Variants in ABI1 observed in about 807,000 individuals in gnomAD.
ABI1 encodes abl interactor 1, also known as Abelson interactor 1.
ABI1 carries 14 observed loss-of-function variants against 54.6 expected under a neutral mutation model. The ratio of observed to expected loss-of-function variants is 0.26; its 90% CI spans 0.17 to 0.40. The LOEUF (loss-of-function observed/expected upper bound fraction) is 0.40, where lower values mean the gene tolerates loss of function less well. Among genes scored for constraint, ABI1 ranks in the 10% least tolerant of loss-of-function variants. The probability of loss-of-function intolerance (pLI) is 1.00; values close to 1 mark genes in which losing one functional copy is unlikely to be tolerated. For missense variants in ABI1, 443 were observed against 598.3 expected (o/e 0.74, Z 2.71); for synonymous variants, 194 against 209.3 (o/e 0.93, Z 0.63).
In ABI1 at chr10:26,832,354, G is replaced by A. The variant is rs1215816515; in HGVS notation, c.118-9049C>T. Among the ~76,000 whole-genome samples, 8 of 152,054 alleles carry A rather than the reference G, an allele frequency of 5.3e-5. 1 individual carries two copies. In the South Asian group the frequency reaches 8.3e-4, roughly 16 times the overall value. On this transcript the variant is annotated intron_variant, in intron 1 of 10. Transcript: ENST00000376140. ...TCCCAGCACTTTGGGAGGCCAAGGC[G>A]GGCGGATCACGAGGTCAGGAGATCA...
intron 1 of ABI1, among the ~76,000 whole-genome samples, chr10:26,859,884 C>T (rs2051152517): frequency 6.6e-6 from 1 of 151,996 alleles, no homozygotes; most frequent in Admixed American, 6.6e-5. Context: ...GAGGGTAAGC[C>T]GTTTTTCCAA....
chr10:26,800,800 A>G (rs1336559207), intron 2 of ABI1, among the ~76,000 whole-genome samples: 1 of 152,036 alleles, frequency 6.6e-6, no homozygotes, highest in Non-Finnish European at 1.5e-5. Context: ...GGAGGTCGGG[A>G]GTTCGAGACC....
chr10:26,798,298 T>C (rs961230165), intron 2 of ABI1, among the ~76,000 whole-genome samples: 7 of 151,060 alleles, frequency 4.6e-5, no homozygotes, highest in African/African-American at 1.7e-4. Flanking sequence ...GACGGGGTGC[T>C]ATCCAGTATT....
intron 2 of ABI1, among the ~76,000 whole-genome samples, chr10:26,822,786 G>A (rs2048065347): frequency 6.6e-6 from 1 of 152,124 alleles, no homozygotes; most frequent in African/African-American, 2.4e-5. Context: ...GGTCACATGG[G>A]TATACATGTG....
At chr10:26,839,964 G>C (rs147893891) in intron 1 of ABI1, among the ~76,000 whole-genome samples, 382 of 151,934 alleles carry the variant, frequency 2.5e-3, no homozygotes, top group African/African-American at 8.5e-3. Context: ...CACTCCAGCC[G>C]GGGTGACATA....
At chr10:26,856,433 C>CAAAAAAAAA (rs58195958) in intron 1 of ABI1, among the ~76,000 whole-genome samples, 1 of 57,780 alleles carries the variant, frequency 1.7e-5, no homozygotes, top group Non-Finnish European at 3.4e-5. Flanking sequence ...ATCTGTTACT[C>CAAAAAAAAA]AAAAAAAAAA....
At chr10:26,791,433 A>C (rs1843449892) in intron 2 of ABI1, among the ~76,000 whole-genome samples, 1 of 152,190 alleles carries the variant, frequency 6.6e-6, no homozygotes, top group East Asian at 1.9e-4. Flanking sequence ...TCCCCCTTCT[A>C]TCCCATGTTA....
intron 1 of ABI1, among the ~76,000 whole-genome samples, chr10:26,854,297 G>C (rs10829119): frequency 0.26 from 39,047 of 151,914 alleles, 5,713 homozygotes; most frequent in South Asian, 0.44. Flanking sequence ...AAAGAAAAAA[G>C]AGAAGACATT....
chr10:26,855,481 T>C (rs1452311468), intron 1 of ABI1, among the ~76,000 whole-genome samples: 1 of 152,372 alleles, frequency 6.6e-6, no homozygotes, highest in East Asian at 1.9e-4. Context: ...ACTTAACTTT[T>C]ATGAGTCCTA....
At chr10:26,854,571 T>C (rs2050666493) in intron 1 of ABI1, among the ~76,000 whole-genome samples, 1 of 152,204 alleles carries the variant, frequency 6.6e-6, no homozygotes, top group Non-Finnish European at 1.5e-5. Flanking sequence ...TGACATGGTA[T>C]GGGTCGATTT....
At chr10:26,783,216 T>C (rs1313588012) in intron 2 of ABI1, among the ~76,000 whole-genome samples, 1 of 152,140 alleles carries the variant, frequency 6.6e-6, no homozygotes, top group Non-Finnish European at 1.5e-5. Flanking sequence ...AAGACAAATA[T>C]TGTATGATTC....
intron 6 of ABI1, among the ~76,000 whole-genome samples, chr10:26,765,659 A>T (rs145738847): frequency 9.4e-4 from 105 of 111,676 alleles, no homozygotes; most frequent in African/African-American, 3.4e-3. Context: ...AAGGGAAAGG[A>T]GAGAGGGAGG....
At chr10:26,855,217 T>G (rs1301756986) in intron 1 of ABI1, among the ~76,000 whole-genome samples, 1 of 152,238 alleles carries the variant, frequency 6.6e-6, no homozygotes, top group Non-Finnish European at 1.5e-5. Context: ...TTTGGTGATA[T>G]AGGCAAGTCC....
At chr10:26,774,148 T>A (rs117741982) in intron 3 of ABI1, among the ~76,000 whole-genome samples, 9,312 of 152,276 alleles carry the variant, frequency 0.061, 427 homozygotes, top group East Asian at 0.19. Flanking sequence ...TTACATCATC[T>A]CTCAATTACT....
rs1011133474 is a variant in ABI1 at position 26,746,883 on chromosome 10, T to C, written c.*1687A>G. On this transcript the variant is annotated 3_prime_UTR_variant, in exon 11 of 11. Coordinates refer to ENST00000376140, the MANE Select transcript of ABI1 (RefSeq NM_001012750.3). Reference sequence around the variant, plus strand: ...GTCCACATGAGTTATATTTTAACAGTATCCAAAATTTCATATAGGAGAATG... The same window carrying C: ...GTCCACATGAGTTATATTTTAACAGCATCCAAAATTTCATATAGGAGAATG... 2 of 302,848 alleles carry C rather than the reference T, an allele frequency of 6.6e-6. No individual in the cohort carries two copies. Among genetic ancestry groups the C allele is most frequent in the Admixed American group, 9.5e-5 (2 of 21,054 alleles). 18.8% of individuals were successfully genotyped at this position (302,848 alleles called of 1,614,324 possible).
At position 26,831,085 on chromosome 10, in the gene ABI1, G is replaced by A. The variant is rs1460045816; in HGVS notation, c.118-7780C>T. The stretch of plus-strand genomic sequence containing the variant: ...AGATAACAAAACAAGGGTCCCATGT[G>A]CATTTTTTTAAGTTTTCTACCATTT... On this transcript the variant is annotated intron_variant, in intron 1 of 10. Transcript: ENST00000376140. 5.9e-5 allele frequency among the ~76,000 whole-genome samples: 9 copies of A among 151,990 alleles called. No homozygotes were observed. In the East Asian group the frequency reaches 1.5e-3, roughly 26 times the overall value.
chr10:26,833,354 CCAATAA>C (rs2048811732), intron 1 of ABI1, among the ~76,000 whole-genome samples: 1 of 152,124 alleles, frequency 6.6e-6, no homozygotes. Context: ...CAGGGTATTC[CCAATAA>C]CTAGATAATT....
intron 1 of ABI1, among the ~76,000 whole-genome samples, chr10:26,859,875 A>C (rs2134402722): frequency 6.6e-6 from 1 of 152,276 alleles, no homozygotes; most frequent in African/African-American, 2.4e-5. Flanking sequence ...GGGAGAAGGG[A>C]GGGTAAGCCG....
chr10:26,755,540 T>C, intron 9 of ABI1, 115 bp downstream of exon 9: 2 of 786,116 alleles, frequency 2.5e-6, no homozygotes, highest in Non-Finnish European at 4.1e-6. Context: ...TGTCTGCACC[T>C]ATTTTCAAGA....
Sources: gnomAD v4.1 joint callset for allele counts (sites outside exome capture counted in the v4.1 genomes callset) on GRCh38, gnomAD v4.1.1 for gene constraint, MANE v1.5 for transcripts, NCBI Gene and HGNC (gene_info 2026-07-23, HGNC 2026-07-21) for gene names.